Variants in MYOZ1 observed in about 807,000 individuals in gnomAD.
MYOZ1 encodes myozenin-1.
Under a neutral mutation model 28.7 loss-of-function variants are expected in MYOZ1, and 20 were observed. That is an observed-to-expected ratio of 0.70 (90% CI 0.49 to 1.01). The LOEUF (loss-of-function observed/expected upper bound fraction) is 1.01, where lower values mean the gene tolerates loss of function less well. MYOZ1 is among the 50% of genes least tolerant of loss of function. The pLI is 0.00. For synonymous variants in MYOZ1, 144 were observed against 145.8 expected, an observed-to-expected ratio of 0.99 and a Z score of 0.09; for missense variants, 371 against 372.4, an observed-to-expected ratio of 1.00 and a Z score of 0.03.
At chr10:73,636,257 C>A (rs1044230848) in intron 3 of MYOZ1, among the ~76,000 whole-genome samples, 1 of 152,076 alleles carries the variant, frequency 6.6e-6, no homozygotes, top group African/African-American at 2.4e-5. Flanking sequence ...GGAGAAGGAG[C>A]CTGACTAGAA....
intron 5 of MYOZ1, among the ~76,000 whole-genome samples, chr10:73,632,513 C>G (rs538526547): frequency 1.3e-5 from 2 of 151,902 alleles, no homozygotes; most frequent in Non-Finnish European, 2.9e-5. Context: ...GCCTGTAATC[C>G]CAGCATTTTG....
At position 73,638,829 on chromosome 10, in the gene MYOZ1, G is replaced by A. The variant is rs542771535; in HGVS notation, c.74-907C>T. Reference sequence around the variant, plus strand: ...TTACAGGCACCCGGCACCATGCCCAGTTAATTTTTCTATTTTTGTAGAGAC... The same window carrying A: ...TTACAGGCACCCGGCACCATGCCCAATTAATTTTTCTATTTTTGTAGAGAC... On this transcript the variant is annotated intron_variant, in intron 2 of 5. Coordinates refer to ENST00000359322, the MANE Select transcript of MYOZ1 (RefSeq NM_021245.4). Among the ~76,000 whole-genome samples the A allele has an allele frequency of 1.7e-4, 25 of 150,506 alleles. No homozygotes were observed. The South Asian group carries it at 5.2e-3, about 32-fold the overall frequency.
chr10:73,634,422 T>G, intron 4 of MYOZ1, 62 bp downstream of exon 4: 1 of 1,593,962 alleles, frequency 6.3e-7, no homozygotes, highest in Non-Finnish European at 8.6e-7. Flanking sequence ...AGCGTAGACA[T>G]CATTCCTGGG....
chr10:73,639,917 A>G, intron 2 of MYOZ1, 28 bp downstream of exon 2: 1 of 1,608,884 alleles, frequency 6.2e-7, no homozygotes, highest in Non-Finnish European at 8.5e-7. Flanking sequence ...AAGAAGTCCC[A>G]CACTAGGGAG....
In MYOZ1 at chr10:73,638,015, A is replaced by G; in HGVS notation, c.74-93T>C. The stretch of plus-strand genomic sequence containing the variant: ...AGACCTCATCCACAACTAAGTGTGT[A>G]TGTGTGTCCTGGCAGAGGTCATTTA... On this transcript the variant is annotated intron_variant, in intron 2 of 5. Coordinates refer to ENST00000359322, the MANE Select transcript of MYOZ1 (RefSeq NM_021245.4). 1.1e-5 allele frequency: 13 copies of G among 1,181,908 alleles called. 1 individual carries two copies. The South Asian group carries it at 1.9e-4, about 17-fold the overall frequency. 73.2% of individuals were successfully genotyped at this position (1,181,908 alleles called of 1,614,324 possible).
chr10:73,634,131 C>T, intron 4 of MYOZ1, 66 bp from the exon 5 acceptor site: 1 of 1,553,356 alleles, frequency 6.4e-7, no homozygotes, highest in South Asian at 1.2e-5. Context: ...AAGGTAATCC[C>T]ACGCCCCTAC....
At chr10:73,634,141 C>G (rs1425770413) in intron 4 of MYOZ1, 76 bp from the exon 5 acceptor site, 22 of 1,530,774 alleles carry the variant, frequency 1.4e-5, no homozygotes, top group Non-Finnish European at 2.0e-5. Flanking sequence ...CACGCCCCTA[C>G]ACTAGGGAAA....
intron 5 of MYOZ1, among the ~76,000 whole-genome samples, chr10:73,632,414 A>G (rs772534886): frequency 6.6e-6 from 1 of 152,112 alleles, no homozygotes; most frequent in Non-Finnish European, 1.5e-5. Context: ...AGCATTTCAG[A>G]GAAAGTGACC....
rs2132410465 is a variant in MYOZ1, at chr10:73,641,467, G to A, written c.-75C>T. 1 of 152,496 alleles carries A rather than the reference G, an allele frequency of 6.6e-6. No individual in the cohort carries two copies. The highest frequency in any genetic ancestry group is 3.4e-3 in the Middle Eastern group (1 of 296). 9.4% of individuals were successfully genotyped at this position (152,496 alleles called of 1,614,324 possible). A position where few individuals can be genotyped will look rare whatever the true frequency, so the allele number is the denominator to read the frequency against. On this transcript the variant is annotated 5_prime_UTR_variant, in exon 1 of 6. Transcript: ENST00000359322. ...GGGTCCAGCAGCTTTGGAGGACTGAGCTGCTGTGACCGGAGAACACGAGCT... is the reference window on the plus strand; with the variant it reads ...GGGTCCAGCAGCTTTGGAGGACTGAACTGCTGTGACCGGAGAACACGAGCT...
At chr10:73,635,263 C>T (rs138177468) in intron 3 of MYOZ1, among the ~76,000 whole-genome samples, 2 of 151,814 alleles carry the variant, frequency 1.3e-5, no homozygotes, top group African/African-American at 2.4e-5. Flanking sequence ...TCCCTTGGCT[C>T]GTTTCCTCCA....
At chr10:73,636,029 C>A (rs1347162353) in intron 3 of MYOZ1, among the ~76,000 whole-genome samples, 2 of 152,170 alleles carry the variant, frequency 1.3e-5, no homozygotes, top group Non-Finnish European at 2.9e-5. Flanking sequence ...GTGCTTTTGG[C>A]CTCCTAAAGT....
chr10:73,634,838 C>G (rs755218717), intron 3 of MYOZ1, 105 bp from the exon 4 acceptor site: 43 of 1,368,806 alleles, frequency 3.1e-5, no homozygotes, highest in Middle Eastern at 1.9e-4. Flanking sequence ...ACCAGAAGAC[C>G]CTGAATTTTC....
chr10:73,634,136 C>G, intron 4 of MYOZ1, 71 bp from the exon 5 acceptor site: 1 of 1,553,128 alleles, frequency 6.4e-7, no homozygotes, highest in Non-Finnish European at 8.8e-7. Flanking sequence ...AATCCCACGC[C>G]CCTACACTAG....
In MYOZ1 at chr10:73,637,010, C is replaced by CTTT. The variant is rs200349316; in HGVS notation, c.252+731_252+733dup. 2.9e-3 allele frequency among the ~76,000 whole-genome samples: 405 copies of CTTT among 137,438 alleles called. 13 individuals are homozygous for CTTT. The highest frequency in any genetic ancestry group is 0.011 in the Middle Eastern group (3 of 268). 90.2% of individuals were successfully genotyped at this position (137,438 alleles called of 152,430 possible). On this transcript the variant is annotated intron_variant, in intron 3 of 5. Coordinates refer to ENST00000359322, the MANE Select transcript of MYOZ1 (RefSeq NM_021245.4). ...TTATCTTCTTCCTTTTTTCTTTTTT[C>CTTT]TTTCTTTTTTTTTTTTTTTTGAGAC...
chr10:73,638,837 T>G (rs958808356), intron 2 of MYOZ1, among the ~76,000 whole-genome samples: 1 of 150,370 alleles, frequency 6.7e-6, no homozygotes, highest in Non-Finnish European at 1.5e-5. Flanking sequence ...CAGTTAATTT[T>G]TCTATTTTTG....
chr10:73,637,011 TTTC>T (rs1589446310), intron 3 of MYOZ1, among the ~76,000 whole-genome samples: 1 of 100,244 alleles, frequency 1.0e-5, no homozygotes. Flanking sequence ...TTCTTTTTTC[TTTC>T]TTTTTTTTTT....
chr10:73,639,975 A>G lies in MYOZ1; in HGVS notation c.43T>C (p.Ser15Pro). 2.5e-6 allele frequency: 4 copies of G among 1,613,898 alleles called. No individual in the cohort carries two copies. Among genetic ancestry groups the G allele is most frequent in the African/African-American group, 1.3e-5 (1 of 74,980 alleles). ...GTPAPNKKRK[S>P]SKLIMELTGG... The stretch of plus-strand genomic sequence containing the variant: ...GTGAGTTCCATGATCAGCTTGCTGG[A>G]TTTCCTCTTCTTATTAGGGGCCGGG... Residue 15 changes from serine (S) to proline (P), a missense_variant, in exon 2 of 6, where the codon TCC becomes CCC. Physicochemically the swap from Ser to Pro is moderately conservative, Grantham distance 74 (BLOSUM62 -1). Coordinates refer to ENST00000359322, the MANE Select transcript of MYOZ1 (RefSeq NM_021245.4).
intron 4 of MYOZ1, 112 bp from the exon 5 acceptor site, chr10:73,634,177 T>C (rs941720810): frequency 2.4e-6 from 3 of 1,227,464 alleles, no homozygotes; most frequent in Admixed American, 4.8e-5. Flanking sequence ...ACTAAAGATA[T>C]AATATCCTGG....
In MYOZ1 at chr10:73,632,105, A is replaced by G; in HGVS notation, c.725T>C (p.Met242Thr). The G allele has an allele frequency of 1.2e-6, 2 of 1,614,230 alleles. No individual in the cohort carries two copies. The highest frequency in any genetic ancestry group is 1.7e-6 in the Non-Finnish European group (2 of 1,180,042). ...EKASKRMTFQ[M>T]PKFDLGPLLS... ...CAAGGGCCCCAGGTCAAACTTGGGC[A>G]TCTGGAAGGTCATGCGTTTGGAGGC... Residue 242 changes from methionine (M) to threonine (T), a missense_variant, in exon 6 of 6, where the codon ATG becomes ACG. Met to Thr is a moderately conservative substitution (Grantham distance 81). Coordinates refer to ENST00000359322, the MANE Select transcript of MYOZ1 (RefSeq NM_021245.4).
Sources: gnomAD v4.1 joint callset for allele counts (sites outside exome capture counted in the v4.1 genomes callset) on GRCh38, gnomAD v4.1.1 for gene constraint, MANE v1.5 for transcripts, NCBI Gene and HGNC (gene_info 2026-07-23, HGNC 2026-07-21) for gene names.